LZTFL1: variants seen among roughly 807,000 people sequenced by gnomAD.
LZTFL1 encodes the protein leucine zipper transcription factor like 1, also known as leucine zipper transcription factor-like protein 1.
A neutral mutation model predicts 45.9 loss-of-function variants in LZTFL1; 25 were observed. The ratio of observed to expected loss-of-function variants is 0.54; its 90% CI spans 0.40 to 0.76. The LOEUF is 0.76. LZTFL1 is among the 30% of genes least tolerant of loss of function. The probability of loss-of-function intolerance (pLI) is 0.00; values close to 1 mark genes in which losing one functional copy is unlikely to be tolerated. For synonymous variants in LZTFL1, 93 were observed against 117.4 expected (o/e 0.79, Z 1.35); for missense variants, 277 against 331.1 (o/e 0.84, Z 1.27).
chr3:45,843,866 C>T (rs1342044965), upstream of LZTFL1, among the ~76,000 whole-genome samples: 1 of 152,166 alleles, frequency 6.6e-6, no homozygotes, highest in African/African-American at 2.4e-5. Flanking sequence ...GCGGGTTGGT[C>T]ACCAAAGCAA....
In LZTFL1 at chr3:45,901,772, C is replaced by A; in HGVS notation, c.-215+11348G>T. On this transcript the variant is annotated intron_variant, in intron 2 of 4. Transcript: ENST00000472635. This position sits in a 1 kb window ranked among gnomAD's most constrained non-coding sequence, Gnocchi z 4.3. ...TGGGTGAGAGATTCCGCCGGGATCT[C>A]GTGAAAACCCTGAAGAACTTGGGTT... 6.2e-7 allele frequency: 1 copy of A among 1,614,138 alleles called. No homozygotes were observed. Among genetic ancestry groups the A allele is most frequent in the Non-Finnish European group, 8.5e-7 (1 of 1,180,024 alleles).
At chr3:45,912,121 C>T in intron 2 of LZTFL1, among the ~76,000 whole-genome samples, 1 of 152,232 alleles carries the variant, frequency 6.6e-6, no homozygotes, top group East Asian at 1.9e-4. Context: ...TCATATACTG[C>T]TTCAATCCAA....
At chr3:45,893,964 AAC>A (rs1702269304) in intron 2 of LZTFL1, among the ~76,000 whole-genome samples, 1 of 152,210 alleles carries the variant, frequency 6.6e-6, no homozygotes, top group Non-Finnish European at 1.5e-5. Context: ...AAAGGAAGCC[AAC>A]AGGTTGGCTT....
chr3:45,836,574 G>A (rs1700972110), intron 2 of LZTFL1, among the ~76,000 whole-genome samples: 2 of 152,148 alleles, frequency 1.3e-5, no homozygotes, highest in African/African-American at 4.8e-5. Flanking sequence ...AGAATCGCTT[G>A]TAACCAGAAG....
Position 45,901,040 on chromosome 3 carries a change from C to CA in LZTFL1, c.-215+12079dup. The CA allele has an allele frequency of 6.2e-7, 1 of 1,614,214 alleles. No individual in the cohort carries two copies. The highest frequency in any genetic ancestry group is 1.1e-5 in the South Asian group (1 of 91,086). ...GCACAAGAGTGAAGACCATGACCGA[C>CA]ATGTTCCTTTTGAATTTGGCAATTG... On this transcript the variant is annotated intron_variant, in intron 2 of 4. Coordinates refer to the LZTFL1 transcript ENST00000472635. The surrounding 1 kb of genome is among the most constrained non-coding windows in gnomAD (Gnocchi z 4.3).
upstream of LZTFL1, among the ~76,000 whole-genome samples, chr3:45,846,816 A>T (rs1198038659): frequency 6.6e-6 from 1 of 152,076 alleles, no homozygotes; most frequent in East Asian, 1.9e-4. Context: ...CAGGAGAGAA[A>T]GGCACACTCG....
chr3:45,870,318 A>T (rs1247777413), intron 2 of LZTFL1, among the ~76,000 whole-genome samples: 1 of 152,206 alleles, frequency 6.6e-6, no homozygotes, highest in Non-Finnish European at 1.5e-5. Flanking sequence ...ATGAGTTGAC[A>T]ATCAGATGGC....
intron 2 of LZTFL1, among the ~76,000 whole-genome samples, chr3:45,892,808 C>T (rs1702228059): frequency 6.6e-6 from 1 of 152,110 alleles, no homozygotes; most frequent in South Asian, 2.1e-4. Context: ...CAGCACAAGG[C>T]ACTCCAGTGC....
intron 2 of LZTFL1, among the ~76,000 whole-genome samples, chr3:45,893,612 C>T (rs1171205729): frequency 6.6e-6 from 1 of 152,214 alleles, no homozygotes; most frequent in Non-Finnish European, 1.5e-5. Flanking sequence ...GGAGACTTGT[C>T]CATGTTGCTG....
intron 4 of LZTFL1, among the ~76,000 whole-genome samples, chr3:45,833,914 G>C (rs923590701): frequency 6.6e-6 from 1 of 152,212 alleles, no homozygotes; most frequent in Admixed American, 6.5e-5. Context: ...GGAAGTGACA[G>C]AGCCAGGATG....
At chr3:45,839,093 A>ATTC (rs10656359) in intron 1 of LZTFL1, among the ~76,000 whole-genome samples, 124,599 of 151,618 alleles carry the variant, frequency 0.82, 51,404 homozygotes, top group East Asian at 0.99. Context: ...ATAAATACAG[A>ATTC]TTCTTTTTTT....
intron 2 of LZTFL1, among the ~76,000 whole-genome samples, chr3:45,870,128 C>T (rs556949101): frequency 4.3e-4 from 65 of 152,348 alleles, no homozygotes; most frequent in African/African-American, 1.5e-3. Flanking sequence ...CCAGTGCCCG[C>T]TCTCAAGCTC....
chr3:45,895,064 C>A, intron 2 of LZTFL1: 2 of 1,191,420 alleles, frequency 1.7e-6, no homozygotes, highest in Non-Finnish European at 2.5e-6. Flanking sequence ...TGTGGTTTCC[C>A]AGGGTAAGAT....
intron 2 of LZTFL1, among the ~76,000 whole-genome samples, chr3:45,874,992 A>G (rs535289839): frequency 1.2e-4 from 18 of 152,340 alleles, no homozygotes; most frequent in African/African-American, 3.8e-4. Context: ...GAGGTCAGCT[A>G]AGGTTAGTTG....
At chr3:45,882,290 CT>C (rs1413206724) in intron 2 of LZTFL1, among the ~76,000 whole-genome samples, 1 of 152,224 alleles carries the variant, frequency 6.6e-6, no homozygotes, top group African/African-American at 2.4e-5. Flanking sequence ...GGACCTAGGA[CT>C]CTTTTTACCT....
intron 3 of LZTFL1, among the ~76,000 whole-genome samples, chr3:45,856,570 G>T (rs1701396697): frequency 6.6e-6 from 1 of 152,010 alleles, no homozygotes; most frequent in South Asian, 2.1e-4. Flanking sequence ...CAAAAGAAAA[G>T]AAACTATCAT....
chr3:45,868,176 A>T (rs546474971), intron 2 of LZTFL1, among the ~76,000 whole-genome samples: 15 of 98,588 alleles, frequency 1.5e-4, no homozygotes, highest in South Asian at 6.5e-4. Context: ...GTATAATAAA[A>T]ATATATATAT....
chr3:45,841,786 T>G, intron 1 of LZTFL1: 1 of 643,102 alleles, frequency 1.6e-6, no homozygotes, highest in Non-Finnish European at 2.7e-6. Flanking sequence ...GGAAAAGGCT[T>G]CACCCAGGAT....
intron 2 of LZTFL1, among the ~76,000 whole-genome samples, chr3:45,876,168 T>A (rs1701746489): frequency 6.6e-6 from 1 of 152,230 alleles, no homozygotes; most frequent in African/African-American, 2.4e-5. Context: ...CACAGTCAAG[T>A]GAAGCCTGAG....
Sources: gnomAD v4.1 joint callset for allele counts (sites outside exome capture counted in the v4.1 genomes callset) on GRCh38, gnomAD v4.1.1 for gene constraint, Gnocchi (gnomAD v3.1) non-coding constraint, MANE v1.5 for transcripts, NCBI Gene and HGNC (gene_info 2026-07-23, HGNC 2026-07-21) for gene names.